Variants in MACF1 observed in about 807,000 individuals in gnomAD.
MACF1 encodes the protein microtubule-actin cross-linking factor 1.
Under a neutral mutation model 854.8 loss-of-function variants are expected in MACF1, and 193 were observed. The ratio of observed to expected loss-of-function variants is 0.23; its 90% confidence interval spans 0.20 to 0.25. The LOEUF (loss-of-function observed/expected upper bound fraction) is 0.25. Among genes scored for constraint, MACF1 ranks in the 10% least tolerant of loss-of-function variants. The pLI, the probability that MACF1 is intolerant of heterozygous loss-of-function variation, is 1.00. For missense variants in MACF1, 7,722 were observed against 8,929.1 expected, an observed-to-expected ratio of 0.86 and a Z score of 5.45; for synonymous variants, 3,185 against 3,226.7, an observed-to-expected ratio of 0.99 and a Z score of 0.44.
chr1:39,472,798 G>A (rs2124158731), intron 97 of MACF1, among the ~76,000 whole-genome samples: 1 of 151,588 alleles, frequency 6.6e-6, no homozygotes, highest in Non-Finnish European at 1.5e-5. Context: ...TACAGAGAGA[G>A]GAAGGAAAAT....
intron 58 of MACF1, chr1:39,413,694 T>C (rs604316): frequency 0.15 from 121,761 of 820,726 alleles, 22,465 homozygotes; most frequent in African/African-American, 0.63. Context: ...CAGAGGAGCC[T>C]GCCTTCCCAG....
intron 2 of MACF1, among the ~76,000 whole-genome samples, chr1:39,188,377 C>T (rs935002353): frequency 6.6e-6 from 1 of 152,126 alleles, no homozygotes; most frequent in Non-Finnish European, 1.5e-5. Context: ...CACTACACTC[C>T]AGCTTGGGCA....
intron 58 of MACF1, chr1:39,412,499 A>C (rs1643061969): frequency 6.2e-7 from 1 of 1,613,942 alleles, no homozygotes; most frequent in Non-Finnish European, 8.5e-7. Flanking sequence ...AACTTCCCAG[A>C]GCAGGTCTTC....
At chr1:39,102,897 TC>T in intron 2 of MACF1, 1 of 702,474 alleles carries the variant, frequency 1.4e-6, no homozygotes, top group Non-Finnish European at 2.6e-6. Context: ...TTCATAGACT[TC>T]CTTCTTCCCA....
intron 20 of MACF1, 94 bp from the exon 21 acceptor site, chr1:39,297,526 C>G: frequency 6.8e-7 from 1 of 1,472,704 alleles, no homozygotes; most frequent in Non-Finnish European, 9.4e-7. Flanking sequence ...ATCAGCTTTG[C>G]TAAGCTCTGC....
At chr1:39,196,081 A>T (rs1217710893) in intron 2 of MACF1, among the ~76,000 whole-genome samples, 1 of 152,224 alleles carries the variant, frequency 6.6e-6, no homozygotes, top group Admixed American at 6.5e-5. Flanking sequence ...CATCCTTACT[A>T]CAACTCTGAG....
chr1:39,377,142 C>T (rs981168260), intron 52 of MACF1, among the ~76,000 whole-genome samples: 1 of 152,122 alleles, frequency 6.6e-6, no homozygotes, highest in Non-Finnish European at 1.5e-5. Flanking sequence ...TCCCCAGTAG[C>T]TGAGACTACA....
chr1:39,196,471 C>CTCA (rs1644321214), intron 2 of MACF1, among the ~76,000 whole-genome samples: 1 of 152,130 alleles, frequency 6.6e-6, no homozygotes, highest in African/African-American at 2.4e-5. Context: ...GCCTAGTGTA[C>CTCA]TCATGGGAGG....
At position 39,350,889 on chromosome 1, in the gene MACF1, G is replaced by A. The variant is rs775711365; in HGVS notation, c.11070G>A (p.Glu3690=). The change falls in exon 43 of 101, where the codon GAG becomes GAA. Residue 3690 remains glutamate (E), a synonymous_variant. Coordinates refer to ENST00000564288, the MANE Select transcript of MACF1 (RefSeq NM_001394062.1). ...EENQTKLSPR[E]LTALREKLHQ... is the part of the protein sequence containing the mutation. ...ATCAGACCAAGCTGAGCCCACGTGA[G>A]TTGACAGCTCTTCGGGAAAAGCTTC... 5 of 1,614,004 alleles carry A rather than the reference G, an allele frequency of 3.1e-6. No individual in the cohort carries two copies. Among genetic ancestry groups the A allele is most frequent in the East Asian group, 2.2e-5 (1 of 44,880 alleles).
chr1:39,135,658 T>G (rs1463267083), intron 2 of MACF1, among the ~76,000 whole-genome samples: 2 of 152,082 alleles, frequency 1.3e-5, no homozygotes, highest in Non-Finnish European at 2.9e-5. Flanking sequence ...TCTCTCTGGG[T>G]TTTGCTTGCA....
At chr1:39,354,466 ACGATCCCAG>A (rs1296418440) in intron 44 of MACF1, among the ~76,000 whole-genome samples, 3 of 151,832 alleles carry the variant, frequency 2.0e-5, no homozygotes, top group African/African-American at 7.3e-5. Context: ...GTGCAGTGGC[ACGATCCCAG>A]CTCACCGCAA....
chr1:39,231,318 G>T (rs1483989951), intron 2 of MACF1, 75 bp downstream of exon 2: 9 of 1,333,118 alleles, frequency 6.8e-6, no homozygotes, highest in Admixed American at 3.4e-5. Context: ...CCTTCTTTCA[G>T]ATGGTTTAGA....
In MACF1 at chr1:39,309,779, T is replaced by G. The variant is rs187970296; in HGVS notation, c.2916+83T>G. ...GAGCTTTTTTCATTACTGTGAGACT[T>G]TTCCCCACCCAAATGGAGTAAAGTG... On this transcript the variant is annotated intron_variant, in intron 24 of 100. Transcript: ENST00000564288. 3.5e-5 allele frequency: 51 copies of G among 1,471,642 alleles called. No homozygotes were observed. The Admixed American group carries it at 5.0e-4, about 14-fold the overall frequency. 91.2% of individuals were successfully genotyped at this position (1,471,642 alleles called of 1,614,324 possible). A position where few individuals can be genotyped will look rare whatever the true frequency, so the allele number is the denominator to read the frequency against.
chr1:39,327,510 C>T (rs1646638169), intron 36 of MACF1, among the ~76,000 whole-genome samples, 157 bp downstream of exon 36: 1 of 152,156 alleles, frequency 6.6e-6, no homozygotes, highest in Non-Finnish European at 1.5e-5. Context: ...TGTTTCTTTA[C>T]TGGGGTTCCA....
chr1:39,166,249 G>A (rs966267853), intron 2 of MACF1, among the ~76,000 whole-genome samples: 1 of 151,730 alleles, frequency 6.6e-6, no homozygotes, highest in Non-Finnish European at 1.5e-5. Flanking sequence ...TGTATTTTCA[G>A]TAGAGATGGG....
At chr1:39,432,101 C>T (rs1230486066) in intron 66 of MACF1, among the ~76,000 whole-genome samples, 1 of 152,162 alleles carries the variant, frequency 6.6e-6, no homozygotes, top group African/African-American at 2.4e-5. Flanking sequence ...GGGTCTTATG[C>T]TGCTTCAGCT....
chr1:39,181,654 C>T (rs1302524767), intron 2 of MACF1, among the ~76,000 whole-genome samples: 1 of 152,146 alleles, frequency 6.6e-6, no homozygotes, highest in Non-Finnish European at 1.5e-5. Flanking sequence ...GATTTGAAAA[C>T]TTACTACAAA....
At chr1:39,195,316 G>C (rs1644306835) in intron 2 of MACF1, among the ~76,000 whole-genome samples, 1 of 152,174 alleles carries the variant, frequency 6.6e-6, no homozygotes, top group South Asian at 2.1e-4. Flanking sequence ...ACTGGGCCCA[G>C]CTTTGCCCTT....
chr1:39,300,300 C>G lies in MACF1; in HGVS notation c.2572C>G (p.Pro858Ala). The change falls in exon 22 of 101, where the codon CCA becomes GCA. Residue 858 changes from proline (P) to alanine (A), a missense_variant. Around this residue, in one of 15 missense-constraint regions of MACF1, gnomAD observed 1,137 missense variants for 1,263.0 expected, o/e 0.90. Coordinates refer to ENST00000564288, the MANE Select transcript of MACF1 (RefSeq NM_001394062.1). ...CATCGTTCAGCTAAAACCACGCAGT[C>G]CAGACCATGTGTTAAAGAACACCAT... is the stretch of plus-strand genomic sequence containing the variant. ...KTIVQLKPRS[P>A]DHVLKNTISV... is the part of the protein sequence containing the mutation. 1 of 1,613,958 alleles carries G rather than the reference C, an allele frequency of 6.2e-7. No individual in the cohort carries two copies.
Sources: gnomAD v4.1 joint callset for allele counts (sites outside exome capture counted in the v4.1 genomes callset) on GRCh38, gnomAD v4.1.1 for gene constraint, gnomAD v4.1.1 regional missense constraint, MANE v1.5 for transcripts, NCBI Gene and HGNC (gene_info 2026-07-23, HGNC 2026-07-21) for gene names.